The following PCDH15 variants were observed in gnomAD, a reference collection of about 807,000 sequenced individuals.
PCDH15 encodes protocadherin related 15.
PCDH15 carries 129 observed loss-of-function variants against 178.5 expected under a neutral mutation model. That is an observed-to-expected ratio of 0.72 (90% CI 0.63 to 0.84). The LOEUF (loss-of-function observed/expected upper bound fraction) is 0.84. Ranked by LOEUF, PCDH15 falls within the 40% of genes least tolerant of loss-of-function variation. The pLI, the probability that PCDH15 is intolerant of heterozygous loss-of-function variation, is 0.00. For missense variants in PCDH15, 2,230 were observed against 2,099.9 expected, an observed-to-expected ratio of 1.06 and a Z score of -1.21; for synonymous variants, 800 against 732.0, an observed-to-expected ratio of 1.09 and a Z score of -1.50.
chr10:55,216,994 CAT>C (rs2132178141), intron 1 of PCDH15, among the ~76,000 whole-genome samples: 1 of 151,950 alleles, frequency 6.6e-6, no homozygotes, highest in South Asian at 2.1e-4. Context: ...CTCATGTTTG[CAT>C]ACAGTTTGGT....
intron 3 of PCDH15, among the ~76,000 whole-genome samples, chr10:54,496,459 T>G (rs956607727): frequency 1.3e-5 from 2 of 152,060 alleles, no homozygotes; most frequent in Admixed American, 1.3e-4. Context: ...ATGGCACAGT[T>G]GAAAGAGAGA....
At chr10:54,700,489 T>C (rs2095295044) in intron 1 of PCDH15, among the ~76,000 whole-genome samples, 1 of 151,852 alleles carries the variant, frequency 6.6e-6, no homozygotes, top group African/African-American at 2.4e-5. Flanking sequence ...ATACAAGAAC[T>C]GAAAGACAAA....
chr10:55,227,109 T>C (rs981351036), intron 1 of PCDH15, among the ~76,000 whole-genome samples: 1 of 151,968 alleles, frequency 6.6e-6, no homozygotes, highest in African/African-American at 2.4e-5. Flanking sequence ...TATATGTATA[T>C]ATAAACAAAA....
At chr10:54,796,268 A>ATCTG (rs796594263) in intron 1 of PCDH15, among the ~76,000 whole-genome samples, 8,659 of 120,884 alleles carry the variant, frequency 0.072, 321 homozygotes, top group Middle Eastern at 0.085. Flanking sequence ...CTATCTATCT[A>ATCTG]TCTATGTATC....
At chr10:55,238,603 A>G (rs182670818) in intron 1 of PCDH15, among the ~76,000 whole-genome samples, 1 of 152,330 alleles carries the variant, frequency 6.6e-6, no homozygotes, top group Admixed American at 6.5e-5. Context: ...CAAGACCACA[A>G]AAGTCTCATT....
chr10:55,339,099 A>T (rs6481156), intron 2 of PCDH15, among the ~76,000 whole-genome samples: 72,135 of 151,868 alleles, frequency 0.47, 17,444 homozygotes, highest in Admixed American at 0.52. Context: ...ATCATAGTTA[A>T]CAAGAATCTA....
At chr10:55,263,721 T>C (rs190506817) in intron 1 of PCDH15, among the ~76,000 whole-genome samples, 1 of 134,982 alleles carries the variant, frequency 7.4e-6, no homozygotes, top group African/African-American at 2.5e-5. Context: ...CTGTATTTTT[T>C]AATTTATTTT....
intron 2 of PCDH15, among the ~76,000 whole-genome samples, chr10:55,384,194 T>A (rs571976786): frequency 6.6e-6 from 1 of 152,292 alleles, no homozygotes; most frequent in South Asian, 2.1e-4. Flanking sequence ...CACTCCTGAA[T>A]GTTCCTTTTG....
At chr10:54,620,782 A>G (rs1011532250) in intron 2 of PCDH15, among the ~76,000 whole-genome samples, 11 of 152,076 alleles carry the variant, frequency 7.2e-5, no homozygotes, top group African/African-American at 2.7e-4. Context: ...GCAATGTGTA[A>G]GAGAAAAAGA....
chr10:55,055,813 A>C (rs1000803166), intron 2 of PCDH15, among the ~76,000 whole-genome samples: 2 of 152,084 alleles, frequency 1.3e-5, no homozygotes, highest in South Asian at 2.1e-4. Context: ...TGTCTCAAAA[A>C]TCAATAAATA....
chr10:54,895,186 A>G (rs190912514), intron 3 of PCDH15, among the ~76,000 whole-genome samples: 28 of 152,340 alleles, frequency 1.8e-4, no homozygotes, highest in Non-Finnish European at 3.1e-4. Flanking sequence ...AATGGCACAT[A>G]CCAATCATTT....
intron 3 of PCDH15, among the ~76,000 whole-genome samples, chr10:54,873,941 GTTTTCTTTT>G (rs1954087126): frequency 6.7e-6 from 1 of 149,784 alleles, no homozygotes; most frequent in Non-Finnish European, 1.5e-5. Context: ...ATTACTTTCA[GTTTTCTTTT>G]TTTTCTTTTA....
chr10:54,195,624 C>G (rs367866103), intron 11 of PCDH15, 59 bp downstream of exon 11: 13 of 1,400,768 alleles, frequency 9.3e-6, no homozygotes, highest in Non-Finnish European at 1.2e-5. Context: ...TCATATTTCC[C>G]ATTAATGGAA....
At chr10:54,323,258 G>A (rs1441067454) in intron 7 of PCDH15, among the ~76,000 whole-genome samples, 4 of 152,126 alleles carry the variant, frequency 2.6e-5, no homozygotes, top group Non-Finnish European at 5.9e-5. Flanking sequence ...GTTATATGCT[G>A]TTGGTGGGTA....
At chr10:54,774,626 T>G (rs1299936971) in intron 1 of PCDH15, among the ~76,000 whole-genome samples, 1 of 152,228 alleles carries the variant, frequency 6.6e-6, no homozygotes, top group East Asian at 1.9e-4. Context: ...CTCTGTATAC[T>G]TAAATTCACC....
intron 2 of PCDH15, among the ~76,000 whole-genome samples, chr10:55,094,889 T>C (rs542883371): frequency 2.0e-5 from 3 of 151,048 alleles, no homozygotes; most frequent in African/African-American, 7.3e-5. Context: ...CAAAATGACA[T>C]GATGAAAACA....
intron 2 of PCDH15, among the ~76,000 whole-genome samples, chr10:55,571,735 G>A (rs191951849): frequency 1.3e-5 from 2 of 152,168 alleles, no homozygotes; most frequent in Admixed American, 1.3e-4. Context: ...TATAAATTTA[G>A]GGAGAATGAG....
chr10:55,183,282 T>C (rs1354534621), intron 1 of PCDH15, among the ~76,000 whole-genome samples: 4 of 151,970 alleles, frequency 2.6e-5, no homozygotes, highest in East Asian at 3.9e-4. Context: ...AATATCACCA[T>C]CATTAAGAAT....
intron 2 of PCDH15, among the ~76,000 whole-genome samples, chr10:55,034,818 T>A (rs1046884443): frequency 6.6e-6 from 1 of 152,208 alleles, no homozygotes; most frequent in Non-Finnish European, 1.5e-5. Context: ...ATTGCAATTA[T>A]TGTATTTATA....
Sources: gnomAD v4.1 joint callset for allele counts (sites outside exome capture counted in the v4.1 genomes callset) on GRCh38, gnomAD v4.1.1 for gene constraint, MANE v1.5 for transcripts, NCBI Gene and HGNC (gene_info 2026-07-23, HGNC 2026-07-21) for gene names.